Variants in TGFBR2 observed in about 807,000 individuals in gnomAD.
The protein encoded by TGFBR2 is TGF-beta receptor type-2.
TGFBR2 carries 18 observed loss-of-function variants against 49.0 expected under a neutral mutation model. That is an observed-to-expected ratio of 0.37 (90% confidence interval 0.25 to 0.54). The LOEUF (loss-of-function observed/expected upper bound fraction) is 0.54, where lower values mean the gene tolerates loss of function less well. Among genes scored for constraint, TGFBR2 ranks in the 20% least tolerant of loss-of-function variants. The pLI is 0.85. For synonymous variants in TGFBR2, 282 were observed against 275.9 expected (o/e 1.02, Z -0.22); for missense variants, 525 against 722.6 (o/e 0.73, Z 3.13).
chr3:30,686,403 G>A (rs1206959345), intron 5 of TGFBR2, among the ~76,000 whole-genome samples: 1 of 152,146 alleles, frequency 6.6e-6, no homozygotes, highest in Non-Finnish European at 1.5e-5. Flanking sequence ...CACACAGGAG[G>A]ATAGTTTGTG....
chr3:30,670,082 T>G (rs1699312596), intron 3 of TGFBR2, among the ~76,000 whole-genome samples: 1 of 152,146 alleles, frequency 6.6e-6, no homozygotes, highest in Admixed American at 6.5e-5. Flanking sequence ...ACCTACCCAT[T>G]TTTTTCCTTT....
chr3:30,645,856 CAT>C (rs1290794202), intron 2 of TGFBR2, among the ~76,000 whole-genome samples: 47 of 152,124 alleles, frequency 3.1e-4, no homozygotes, highest in African/African-American at 1.1e-3. Context: ...CCCTCCAACT[CAT>C]ACATACATCT....
chr3:30,651,766 A>G (rs770364479), intron 3 of TGFBR2, among the ~76,000 whole-genome samples: 19 of 152,358 alleles, frequency 1.2e-4, no homozygotes, highest in Middle Eastern at 3.4e-3. Flanking sequence ...AATAAGCACT[A>G]CTAAACTATT....
intron 3 of TGFBR2, among the ~76,000 whole-genome samples, chr3:30,670,979 A>G (rs1432506101): frequency 1.3e-5 from 2 of 152,202 alleles, no homozygotes; most frequent in East Asian, 3.8e-4. Context: ...AGAGCAGAAC[A>G]AGTTGGAGTT....
intron 2 of TGFBR2, among the ~76,000 whole-genome samples, chr3:30,645,321 G>A (rs906294989): frequency 2.0e-5 from 3 of 152,068 alleles, no homozygotes; most frequent in African/African-American, 7.2e-5. Context: ...TGGAAGAAGA[G>A]GTGATGAAAG....
intron 1 of TGFBR2, among the ~76,000 whole-genome samples, chr3:30,610,782 T>C (rs1698014942): frequency 6.6e-6 from 1 of 152,240 alleles, no homozygotes; most frequent in African/African-American, 2.4e-5. Context: ...CTGTTATTAC[T>C]ATTAACTCCT....
intron 1 of TGFBR2, among the ~76,000 whole-genome samples, chr3:30,636,924 C>T (rs1033930998): frequency 1.3e-5 from 2 of 151,812 alleles, no homozygotes; most frequent in African/African-American, 4.8e-5. Context: ...ATTAGCCAAG[C>T]GTGGTGTTGG....
At chr3:30,631,239 G>A (rs1817338) in intron 1 of TGFBR2, among the ~76,000 whole-genome samples, 98,675 of 151,578 alleles carry the variant, frequency 0.65, 33,057 homozygotes, top group African/African-American at 0.82. Flanking sequence ...ACGGGGTTTC[G>A]CCATATTGGC....
intron 1 of TGFBR2, among the ~76,000 whole-genome samples, chr3:30,626,139 A>T (rs1698327628): frequency 6.6e-6 from 1 of 152,206 alleles, no homozygotes; most frequent in Non-Finnish European, 1.5e-5. Context: ...GAGAAACACT[A>T]ATCTAGCCTA....
intron 3 of TGFBR2, among the ~76,000 whole-genome samples, chr3:30,669,121 C>CAAAAAAAAAA (rs56069409): frequency 4.4e-4 from 37 of 83,466 alleles, no homozygotes; most frequent in African/African-American, 7.6e-4. Flanking sequence ...ACTAAAAATA[C>CAAAAAAAAAA]AAAAAAAAAA....
intron 2 of TGFBR2, among the ~76,000 whole-genome samples, chr3:30,647,014 C>A (rs190842643): frequency 6.6e-6 from 1 of 152,260 alleles, no homozygotes; most frequent in African/African-American, 2.4e-5. Context: ...AAAGAAAATT[C>A]TCCCGTGAAG....
At chr3:30,620,647 A>C (rs72849345) in intron 1 of TGFBR2, among the ~76,000 whole-genome samples, 107 of 152,216 alleles carry the variant, frequency 7.0e-4, no homozygotes, top group African/African-American at 2.4e-3. Flanking sequence ...TCATGTGTGA[A>C]TCTTTTGCAG....
intron 3 of TGFBR2, among the ~76,000 whole-genome samples, chr3:30,650,700 T>C (rs1222337788): frequency 1.3e-5 from 2 of 152,188 alleles, no homozygotes; most frequent in East Asian, 1.9e-4. Context: ...TTCTTTCACC[T>C]AGAGCAGTGT....
intron 3 of TGFBR2, among the ~76,000 whole-genome samples, chr3:30,651,539 G>A (rs1698886858): frequency 1.3e-5 from 2 of 152,116 alleles, no homozygotes; most frequent in East Asian, 3.8e-4. Context: ...AGAACACATA[G>A]ATATACTGTA....
intron 1 of TGFBR2, among the ~76,000 whole-genome samples, chr3:30,611,971 T>C (rs899257517): frequency 6.6e-6 from 1 of 152,324 alleles, no homozygotes; most frequent in South Asian, 2.1e-4. Flanking sequence ...AGAACAGATA[T>C]GCATTCGCAG....
chr3:30,623,181 A>G, intron 1 of TGFBR2: 1 of 1,342,868 alleles, frequency 7.4e-7, no homozygotes, highest in Admixed American at 1.7e-5. Flanking sequence ...AGATGGATAT[A>G]ATTATCCTGT....
intron 1 of TGFBR2, among the ~76,000 whole-genome samples, chr3:30,620,340 G>A (rs112557597): frequency 0.011 from 1,624 of 152,232 alleles, 38 homozygotes; most frequent in South Asian, 0.046. Context: ...GCTTTTAAAG[G>A]CCGAGGAAAC....
In TGFBR2 at chr3:30,676,763, T is replaced by G. The variant is rs573972972; in HGVS notation, c.1396+2517T>G. On this transcript the variant is annotated intron_variant, in intron 5 of 6. Transcript: ENST00000295754. The surrounding 1 kb of genome is among the most constrained non-coding windows in gnomAD (Gnocchi z 4.3). The stretch of plus-strand genomic sequence containing the variant: ...ATCCTGCACCCTGCTGAACCTCACA[T>G]GTTTTCCTGAGACCCCCGCATGGGG... Among the ~76,000 whole-genome samples the G allele has an allele frequency of 1.3e-5, 2 of 152,230 alleles. No individual in the cohort carries two copies.
chr3:30,620,142 G>A lies in TGFBR2; in HGVS notation c.94+13165G>A, dbSNP rs573204566. Among the ~76,000 whole-genome samples the A allele has an allele frequency of 4.9e-4, 75 of 152,158 alleles. No individual in the cohort carries two copies. The South Asian group carries it at 0.01, about 21-fold the overall frequency. On this transcript the variant is annotated intron_variant, in intron 1 of 6. Coordinates refer to ENST00000295754, the MANE Select transcript of TGFBR2 (RefSeq NM_003242.6). Reference sequence around the variant, plus strand: ...GCGGAGTTTGCAGTGAGCCGAGATCGCGCCACTGCACTCCAGCCTAGGCGA... The same window carrying A: ...GCGGAGTTTGCAGTGAGCCGAGATCACGCCACTGCACTCCAGCCTAGGCGA...
Sources: allele counts gnomAD v4.1 joint callset (sites outside exome capture counted in the v4.1 genomes callset), GRCh38; gene constraint gnomAD v4.1.1; non-coding constraint Gnocchi (gnomAD v3.1); transcripts MANE v1.5; gene names NCBI Gene and HGNC (gene_info 2026-07-23, HGNC 2026-07-21).